The following AK9 variants were observed in gnomAD, a reference collection of about 807,000 sequenced individuals.
AK9 encodes the protein adenylate kinase domain containing 1.
AK9 carries 191 observed loss-of-function variants against 239.6 expected under a neutral mutation model. That is an observed-to-expected ratio of 0.80 (90% CI 0.71 to 0.90). The LOEUF is 0.90. Among genes scored for constraint, AK9 ranks in the 40% least tolerant of loss-of-function variants. The probability of loss-of-function intolerance (pLI) is 0.00; values close to 1 mark genes in which losing one functional copy is unlikely to be tolerated. For synonymous variants in AK9, 689 were observed against 721.0 expected, an observed-to-expected ratio of 0.96 and a Z score of 0.71; for missense variants, 1,995 against 2,214.7, an observed-to-expected ratio of 0.90 and a Z score of 1.99.
At chr6:109,529,346 C>T (rs780356003) in intron 28 of AK9, among the ~76,000 whole-genome samples, 2 of 152,086 alleles carry the variant, frequency 1.3e-5, no homozygotes, top group Non-Finnish European at 2.9e-5. Context: ...CAAAATTTAT[C>T]GCTCATTTGT....
chr6:109,677,258 A>G (rs853544), intron 1 of AK9, among the ~76,000 whole-genome samples: 62,176 of 151,962 alleles, frequency 0.41, 14,182 homozygotes, highest in African/African-American at 0.61. Context: ...AAATAAAATA[A>G]AATGATATAG....
intron 29 of AK9, among the ~76,000 whole-genome samples, chr6:109,516,858 C>T (rs1779328767): frequency 6.6e-6 from 1 of 151,882 alleles, no homozygotes; most frequent in Non-Finnish European, 1.5e-5. Context: ...TTTTCTGGTT[C>T]CTTCTCATTT....
At chr6:109,500,116 T>A (rs922618825) in intron 35 of AK9, among the ~76,000 whole-genome samples, 3 of 151,388 alleles carry the variant, frequency 2.0e-5, no homozygotes, top group African/African-American at 7.3e-5. Flanking sequence ...ACTTGCTACA[T>A]TTAAAAAAAA....
chr6:109,546,812 C>T (rs1582942417), intron 25 of AK9, among the ~76,000 whole-genome samples: 1 of 152,110 alleles, frequency 6.6e-6, no homozygotes, highest in East Asian at 1.9e-4. Context: ...CATTTTAAAC[C>T]TCTCCGTGAT....
chr6:109,656,625 G>T, intron 8 of AK9, 131 bp downstream of exon 8: 1 of 1,064,328 alleles, frequency 9.4e-7, no homozygotes, highest in Non-Finnish European at 1.3e-6. Flanking sequence ...TTTTCTGACA[G>T]CTTTCTACAA....
chr6:109,545,745 G>T, intron 26 of AK9, 122 bp downstream of exon 26: 1 of 1,246,614 alleles, frequency 8.0e-7, no homozygotes. Flanking sequence ...TGAGGCTTTG[G>T]TGAGCTGTGA....
At chr6:109,642,382 C>T (rs1797563612) in intron 9 of AK9, among the ~76,000 whole-genome samples, 1 of 152,136 alleles carries the variant, frequency 6.6e-6, no homozygotes, top group South Asian at 2.1e-4. Flanking sequence ...TGTGTGGTAG[C>T]CTGTGACAGA....
Position 109,546,127 on chromosome 6 carries a change from C to G in AK9, c.2965G>C (p.Ala989Pro). 6.3e-7 allele frequency: 1 copy of G among 1,586,710 alleles called. No individual in the cohort carries two copies. Among genetic ancestry groups the G allele is most frequent in the South Asian group, 1.1e-5 (1 of 87,562 alleles). Reference sequence around the variant, plus strand: ...ACAAGGCATATTCTTAATGGAGGAGCCTGTCACAGGGGGTGGGTCAGGGAG... The same window carrying G: ...ACAAGGCATATTCTTAATGGAGGAGGCTGTCACAGGGGGTGGGTCAGGGAG... ...DYVAHEEPLKAPPLRICLVGP... is the reference protein window; with the variant it reads ...DYVAHEEPLKPPPLRICLVGP... Residue 989 changes from alanine to proline, a missense_variant and splice_region_variant, in exon 26 of 41, where the codon GCT (alanine) becomes CCT (proline). Transcript: ENST00000424296.
At chr6:109,583,510 A>C (rs1789113713) in intron 19 of AK9, among the ~76,000 whole-genome samples, 2 of 152,110 alleles carry the variant, frequency 1.3e-5, no homozygotes, top group African/African-American at 4.8e-5. Context: ...TTTTTTAAAA[A>C]CCATCTTAAA....
intron 10 of AK9, among the ~76,000 whole-genome samples, chr6:109,638,622 G>C (rs1797004525): frequency 6.6e-6 from 1 of 151,968 alleles, no homozygotes; most frequent in Admixed American, 6.6e-5. Flanking sequence ...TGGGACGATG[G>C]GCATGTGCTA....
At chr6:109,671,866 G>T in intron 5 of AK9, 53 bp downstream of exon 5, 1 of 1,529,854 alleles carries the variant, frequency 6.5e-7, no homozygotes, top group Non-Finnish European at 9.0e-7. Context: ...CTCAGATAAA[G>T]CATGAGTTTT....
At chr6:109,531,292 AG>A (rs1781216056) in intron 28 of AK9, among the ~76,000 whole-genome samples, 1 of 152,150 alleles carries the variant, frequency 6.6e-6, no homozygotes, top group Non-Finnish European at 1.5e-5. Flanking sequence ...GAGGACAATT[AG>A]GTCACTGTAG....
At chr6:109,586,836 G>A (rs2128213853) in intron 17 of AK9, among the ~76,000 whole-genome samples, 1 of 152,226 alleles carries the variant, frequency 6.6e-6, no homozygotes, top group East Asian at 1.9e-4. Context: ...GTGTATCTAT[G>A]AAAACACCAA....
chr6:109,614,592 A>C (rs1249935714), intron 13 of AK9, 112 bp from the exon 14 acceptor site: 1 of 826,598 alleles, frequency 1.2e-6, no homozygotes, highest in Non-Finnish European at 2.0e-6. Flanking sequence ...TTCAGTTCTG[A>C]CTTATAAGCT....
chr6:109,649,042 C>T (rs1247177854), intron 8 of AK9, among the ~76,000 whole-genome samples: 1 of 152,170 alleles, frequency 6.6e-6, no homozygotes, highest in Non-Finnish European at 1.5e-5. Context: ...AATTCAACAA[C>T]CGTTCATGCT....
chr6:109,581,434 G>C (rs1432734629), intron 19 of AK9, among the ~76,000 whole-genome samples: 1 of 152,162 alleles, frequency 6.6e-6, no homozygotes, highest in Non-Finnish European at 1.5e-5. Flanking sequence ...ATACACTAAT[G>C]ATACAAAAGT....
chr6:109,616,282 T>C (rs982889474), intron 13 of AK9, among the ~76,000 whole-genome samples: 1 of 152,254 alleles, frequency 6.6e-6, no homozygotes, highest in East Asian at 1.9e-4. Context: ...ATACAAGAAT[T>C]GTTTAATGTT....
At position 109,646,039 on chromosome 6, in the gene AK9, A is replaced by G. The variant is rs138887000; in HGVS notation, c.760-1351T>C. On this transcript the variant is annotated intron_variant, in intron 8 of 40. Transcript: ENST00000424296. ...GGAAAACTAACAAACAGAAAACAGT[A>G]GCATCAACATCAACAAAAAGGACAT... 1.7e-3 allele frequency among the ~76,000 whole-genome samples: 266 copies of G among 152,372 alleles called. 1 individual carries two copies. The highest frequency in any genetic ancestry group is 6.3e-3 in the African/African-American group (260 of 41,588).
At chr6:109,566,258 G>C (rs575042972) in intron 21 of AK9, among the ~76,000 whole-genome samples, 1 of 152,180 alleles carries the variant, frequency 6.6e-6, no homozygotes, top group East Asian at 1.9e-4. Context: ...CAGGGTAGGG[G>C]GACAGAGTTC....
Sources: gnomAD v4.1 joint callset for allele counts (sites outside exome capture counted in the v4.1 genomes callset) on GRCh38, gnomAD v4.1.1 for gene constraint, MANE v1.5 for transcripts, NCBI Gene and HGNC (gene_info 2026-07-23, HGNC 2026-07-21) for gene names.